Variants in SMOC1 observed in about 807,000 individuals in gnomAD.
The protein encoded by SMOC1 is SPARC related modular calcium binding 1.
SMOC1 carries 22 observed loss-of-function variants against 56.3 expected under a neutral mutation model. The ratio of observed to expected loss-of-function variants is 0.39; its 90% CI spans 0.28 to 0.56. The LOEUF (loss-of-function observed/expected upper bound fraction) is 0.56. Among genes scored for constraint, SMOC1 ranks in the 20% least tolerant of loss-of-function variants. The probability of loss-of-function intolerance (pLI) is 0.61; values close to 1 mark genes in which losing one functional copy is unlikely to be tolerated. For synonymous variants in SMOC1, 193 were observed against 215.0 expected (o/e 0.90, Z 0.89); for missense variants, 509 against 565.4 (o/e 0.90, Z 1.01).
chr14:69,923,967 C>T (rs1256611141), intron 1 of SMOC1, among the ~76,000 whole-genome samples: 1 of 152,198 alleles, frequency 6.6e-6, no homozygotes, highest in Non-Finnish European at 1.5e-5. Context: ...CAAGGCAGTT[C>T]TCTAGAGAGA....
Position 69,975,732 on chromosome 14 carries a change from C to G in SMOC1, c.396C>G (p.Tyr132Ter). 6.2e-7 allele frequency: 1 copy of G among 1,612,864 alleles called. No homozygotes were observed. The highest frequency in any genetic ancestry group is 8.5e-7 in the Non-Finnish European group (1 of 1,179,694). The change falls in exon 4 of 12, where the codon TAC becomes TAG. Residue 132 changes from tyrosine (Y) to a stop codon, truncating the protein, a stop_gained. Coordinates refer to ENST00000361956, the MANE Select transcript of SMOC1 (RefSeq NM_001034852.3). LOFTEE classifies it high-confidence loss of function. ...CTGAACAGGTGCAGTGCCATACTTA[C>G]ACTGGGTACTGCTGGTGTGTCACCC... ...GSFTQVQCHTYTGYCWCVTPD... is the reference protein window; with the variant it reads ...GSFTQVQCHT
chr14:69,885,887 T>G (rs1015417832), intron 1 of SMOC1: 9 of 1,599,544 alleles, frequency 5.6e-6, no homozygotes, highest in Non-Finnish European at 7.7e-6. Context: ...GTCCAGGGCC[T>G]GGGTGAACTG....
chr14:69,940,584 G>A (rs533162831), intron 1 of SMOC1, among the ~76,000 whole-genome samples: 2 of 152,034 alleles, frequency 1.3e-5, no homozygotes, highest in Non-Finnish European at 2.9e-5. Flanking sequence ...AGGGCAGGAC[G>A]CTTAGAACCA....
Position 69,990,711 on chromosome 14 carries a change from A to C in SMOC1, c.527-1706A>C, listed in dbSNP as rs928256223. On this transcript the variant is annotated intron_variant, in intron 5 of 11. Coordinates refer to ENST00000361956, the MANE Select transcript of SMOC1 (RefSeq NM_001034852.3). Reference sequence around the variant, plus strand: ...GATCAAACTCACACAGTTTGGCATCAAAAGATGCCTGTTTTGGACTCCAGT... The same window carrying C: ...GATCAAACTCACACAGTTTGGCATCCAAAGATGCCTGTTTTGGACTCCAGT... Among the ~76,000 whole-genome samples, 4 of 152,352 alleles carry C rather than the reference A, an allele frequency of 2.6e-5. No individual in the cohort carries two copies. The East Asian group carries it at 7.7e-4, about 29-fold the overall frequency.
chr14:70,018,801 T>G (rs1885609854), intron 10 of SMOC1, among the ~76,000 whole-genome samples: 1 of 152,208 alleles, frequency 6.6e-6, no homozygotes, highest in Admixed American at 6.5e-5. Context: ...GGCTTCCTCC[T>G]TCCTGCCCAG....
At position 70,031,960 on chromosome 14, in the gene SMOC1, G is replaced by T; in HGVS notation, c.*1702G>T. On this transcript the variant is annotated 3_prime_UTR_variant, in exon 12 of 12. Transcript: ENST00000361956. ...ACCACAAGCACTGTCCCTGTGGGAG[G>T]AGCACAACCTTCTCGGGACAGGATC... 6.6e-6 allele frequency: 1 copy of T among 152,486 alleles called. No homozygotes were observed. The allele number at this position is 152,486 out of a possible 1,614,324, so 9.4% of individuals were successfully genotyped here. A position where few individuals can be genotyped will look rare whatever the true frequency, so the allele number is the denominator to read the frequency against.
intron 7 of SMOC1, among the ~76,000 whole-genome samples, chr14:70,005,743 G>C (rs1885128842): frequency 6.6e-6 from 1 of 152,152 alleles, no homozygotes; most frequent in Admixed American, 6.5e-5. Flanking sequence ...TGCACCATCT[G>C]AGGGACAGGA....
At chr14:69,936,242 C>T (rs1566679905) in intron 1 of SMOC1, among the ~76,000 whole-genome samples, 2 of 152,202 alleles carry the variant, frequency 1.3e-5, no homozygotes, top group African/African-American at 4.8e-5. Flanking sequence ...TATCACAGCA[C>T]CACTTTGGCT....
At chr14:69,914,507 C>G (rs1884632683) in intron 1 of SMOC1, among the ~76,000 whole-genome samples, 1 of 152,194 alleles carries the variant, frequency 6.6e-6, no homozygotes, top group Admixed American at 6.5e-5. Flanking sequence ...CTTGCCTCGT[C>G]TATTTAGTGA....
rs538472310 is a variant in SMOC1, at chr14:69,919,121, A to G, written c.100-33017A>G. 6.6e-5 allele frequency among the ~76,000 whole-genome samples: 10 copies of G among 152,294 alleles called. No individual in the cohort carries two copies. The South Asian group carries it at 2.1e-3, about 32-fold the overall frequency. ...GACTTAGGGTTACTTTTTGCAGAAG[A>G]GGGTAGAGTCTTCTTTCCCATGTGG... On this transcript the variant is annotated intron_variant, in intron 1 of 11. Transcript: ENST00000361956.
Position 69,953,497 on chromosome 14 carries a change from G to T in SMOC1, c.343G>T (p.Val115Phe). The T allele has an allele frequency of 6.2e-7, 1 of 1,614,262 alleles. No individual in the cohort carries two copies. Among genetic ancestry groups the T allele is most frequent in the Non-Finnish European group, 8.5e-7 (1 of 1,180,040 alleles). The change falls in exon 3 of 12, where the codon GTC (valine) becomes TTC (phenylalanine). Residue 115 changes from valine to phenylalanine, a missense_variant. By Grantham distance (50) the Val-to-Phe change is conservative. Transcript: ENST00000361956. ...QAKKPQEAVF[V>F]PECGEDGSFT... ...CAAGAAGCCTCAGGAAGCTGTGTTT[G>T]TCCCAGAGTGTGGCGAGGATGGCTC...
intron 5 of SMOC1, among the ~76,000 whole-genome samples, chr14:69,989,193 A>C (rs1481338087): frequency 1.3e-5 from 2 of 152,152 alleles, no homozygotes; most frequent in Non-Finnish European, 2.9e-5. Flanking sequence ...ATCCTTACCA[A>C]CACTTAATAT....
At chr14:69,933,991 G>C (rs1885233778) in intron 1 of SMOC1, among the ~76,000 whole-genome samples, 1 of 152,190 alleles carries the variant, frequency 6.6e-6, no homozygotes. Flanking sequence ...TTTTCAAACA[G>C]TTTTTATGTG....
intron 10 of SMOC1, among the ~76,000 whole-genome samples, chr14:70,020,145 T>A (rs1885656179): frequency 7.4e-6 from 1 of 135,362 alleles, no homozygotes. Context: ...TTTGTTTTGT[T>A]TTTGTCTTTT....
intron 5 of SMOC1, among the ~76,000 whole-genome samples, chr14:69,980,411 T>C (rs1884135752): frequency 6.6e-6 from 1 of 152,180 alleles, no homozygotes; most frequent in African/African-American, 2.4e-5. Flanking sequence ...CATTCTCCCC[T>C]GGAGTCTTAA....
At chr14:69,931,686 C>T (rs1885169582) in intron 1 of SMOC1, among the ~76,000 whole-genome samples, 1 of 152,148 alleles carries the variant, frequency 6.6e-6, no homozygotes, top group African/African-American at 2.4e-5. Flanking sequence ...TATGGCAGTA[C>T]CAGGTCTTAC....
chr14:69,962,138 A>G (rs1002602333), intron 3 of SMOC1, among the ~76,000 whole-genome samples: 8 of 151,892 alleles, frequency 5.3e-5, no homozygotes, highest in Middle Eastern at 3.2e-3. Flanking sequence ...AGCTCTTTAT[A>G]TATTCTAGAT....
intron 1 of SMOC1, among the ~76,000 whole-genome samples, chr14:69,940,848 G>A (rs1882532595): frequency 6.6e-6 from 1 of 152,148 alleles, no homozygotes; most frequent in Non-Finnish European, 1.5e-5. Context: ...AGGAGTTTTT[G>A]TGCTGGTGGC....
chr14:69,988,725 A>G (rs12100490), intron 5 of SMOC1, among the ~76,000 whole-genome samples: 308 of 152,270 alleles, frequency 2.0e-3, no homozygotes, highest in African/African-American at 7.1e-3. Context: ...CTGTAGCTCT[A>G]GGCACCCCCA....
Sources: gnomAD v4.1 joint callset for allele counts (sites outside exome capture counted in the v4.1 genomes callset) on GRCh38, gnomAD v4.1.1 for gene constraint, MANE v1.5 for transcripts, NCBI Gene and HGNC (gene_info 2026-07-23, HGNC 2026-07-21) for gene names.